Variants in IQGAP2 observed in about 807,000 individuals in gnomAD.
IQGAP2 encodes the protein IQ motif containing GTPase activating protein 2.
A neutral mutation model predicts 201.3 loss-of-function variants in IQGAP2; 173 were observed. The ratio of observed to expected loss-of-function variants is 0.86; its 90% confidence interval spans 0.76 to 0.98. The LOEUF is 0.98. IQGAP2 is among the 50% of genes least tolerant of loss of function. The probability of loss-of-function intolerance (pLI) is 0.00; values close to 1 mark genes in which losing one functional copy is unlikely to be tolerated. For synonymous variants in IQGAP2, 675 were observed against 673.9 expected (o/e 1.00, Z -0.03); for missense variants, 1,687 against 1,864.8 (o/e 0.90, Z 1.76).
intron 1 of IQGAP2, among the ~76,000 whole-genome samples, chr5:76,404,926 C>T (rs181716693): frequency 6.7e-6 from 1 of 149,704 alleles, no homozygotes; most frequent in East Asian, 1.9e-4. Context: ...ACCACAGATA[C>T]AGCAGAGCCC....
chr5:76,606,583 T>C (rs1011039067), intron 12 of IQGAP2: 1 of 205,492 alleles, frequency 4.9e-6, no homozygotes, highest in African/African-American at 2.3e-5. Flanking sequence ...GACAGCTAAA[T>C]ACAGAGACAG....
chr5:76,496,708 CTTTCTTTCTTTCTTTCTTTTCTT>C (rs1756921598), intron 2 of IQGAP2, among the ~76,000 whole-genome samples: 3 of 19,078 alleles, frequency 1.6e-4, no homozygotes, highest in Non-Finnish European at 3.4e-4. Context: ...CTGTCTCTTT[CTTTCTTTCTTTCTTTCTTTTCTT>C]TCTTTCTTTC....
chr5:76,674,623 C>T lies in IQGAP2; in HGVS notation c.3441C>T (p.His1147=), dbSNP rs375463609. The T allele has an allele frequency of 8.1e-6, 13 of 1,614,110 alleles. No homozygotes were observed. Among genetic ancestry groups the T allele is most frequent in the South Asian group, 4.4e-5 (4 of 91,092 alleles). ...GATCAGTGGCCAAGGTTCTTCAGCA[C>T]GCAGCCTCCAACAAGCTGTTTGAAG... The part of the protein sequence containing the change: ...NLGSVAKVLQ[H]AASNKLFEGE... Residue 1147 remains histidine, a synonymous_variant, in exon 27 of 36, where the codon CAC becomes CAT. Coordinates refer to ENST00000274364, the MANE Select transcript of IQGAP2 (RefSeq NM_006633.5).
chr5:76,583,251 T>A lies in IQGAP2; in HGVS notation c.459-5655T>A, dbSNP rs936391226. Among the ~76,000 whole-genome samples, 5 of 152,308 alleles carry A rather than the reference T, an allele frequency of 3.3e-5. No individual in the cohort carries two copies. The South Asian group carries it at 1.0e-3, about 32-fold the overall frequency. ...AGCAGCCTCATTTGAATTTAAATGC[T>A]TGGGAAGGAAGTTTGCTATTGCTGT... On this transcript the variant is annotated intron_variant, in intron 5 of 35. Coordinates refer to ENST00000274364, the MANE Select transcript of IQGAP2 (RefSeq NM_006633.5).
chr5:76,657,353 T>C (rs1388687765), intron 20 of IQGAP2, among the ~76,000 whole-genome samples: 2 of 152,102 alleles, frequency 1.3e-5, no homozygotes, highest in African/African-American at 4.8e-5. Flanking sequence ...TTGCTGGAAA[T>C]AGAAGGAAAA....
rs140371291 is a variant in IQGAP2 at position 76,516,064 on chromosome 5, C to T, written c.147-46332C>T. ...ATAATGTTTGTGTTTTTTACAGAGACGGGGTTTTGCCATGTTGTCCAGGCT... is the reference window on the plus strand; with the variant it reads ...ATAATGTTTGTGTTTTTTACAGAGATGGGGTTTTGCCATGTTGTCCAGGCT... On this transcript the variant is annotated intron_variant, in intron 2 of 35. Transcript: ENST00000274364. 4.4e-3 allele frequency among the ~76,000 whole-genome samples: 671 copies of T among 151,736 alleles called. 12 individuals carry two copies. Among genetic ancestry groups the T allele is most frequent in the Non-Finnish European group, 3.3e-3 (221 of 67,918 alleles).
intron 10 of IQGAP2, among the ~76,000 whole-genome samples, chr5:76,599,032 G>T (rs746787361): frequency 6.6e-6 from 1 of 152,022 alleles, no homozygotes; most frequent in Non-Finnish European, 1.5e-5. Context: ...TACATAAAAG[G>T]ATATACACAA....
chr5:76,570,923 A>G (rs1202990722), intron 4 of IQGAP2, among the ~76,000 whole-genome samples: 1 of 152,158 alleles, frequency 6.6e-6, no homozygotes, highest in Non-Finnish European at 1.5e-5. Context: ...TGAGCTATCT[A>G]AAATAGCCAA....
At position 76,496,721 on chromosome 5, in the gene IQGAP2, TTTCTTTTCTTTCTTTCTTTCTTTCTTTC is replaced by T. The variant is rs1345069033; in HGVS notation, c.146+35055_146+35082del. 1.5e-3 allele frequency among the ~76,000 whole-genome samples: 30 copies of T among 19,604 alleles called. 3 individuals carry two copies. The highest frequency in any genetic ancestry group is 5.5e-3 in the African/African-American group (28 of 5,114). The allele number at this position is 19,604 out of a possible 152,430, so 12.9% of individuals were successfully genotyped here. ...TTCTGTCTCTTTCTTTCTTTCTTTC[TTTCTTTTCTTTCTTTCTTTCTTTCTTTC>T]TTTCTTTCTTTCTTTCTTTCTTTCT... On this transcript the variant is annotated intron_variant, in intron 2 of 35. Transcript: ENST00000274364.
intron 3 of IQGAP2, among the ~76,000 whole-genome samples, chr5:76,568,423 T>C (rs1323626666): frequency 2.6e-5 from 4 of 152,232 alleles, no homozygotes; most frequent in Admixed American, 2.6e-4. Flanking sequence ...TATTCTCAGA[T>C]TAATCTCTGC....
chr5:76,549,968 G>A (rs140150892), intron 2 of IQGAP2, among the ~76,000 whole-genome samples: 2 of 152,264 alleles, frequency 1.3e-5, no homozygotes, highest in East Asian at 3.9e-4. Flanking sequence ...CCTCCTCACA[G>A]CAAAATACAT....
At chr5:76,613,253 G>A (rs1364407199) in intron 13 of IQGAP2, among the ~76,000 whole-genome samples, 1 of 152,218 alleles carries the variant, frequency 6.6e-6, no homozygotes, top group African/African-American at 2.4e-5. Flanking sequence ...ACATCCCAGG[G>A]GCAGGAGAGT....
At chr5:76,433,391 C>A (rs948016357) in intron 1 of IQGAP2, among the ~76,000 whole-genome samples, 1 of 152,186 alleles carries the variant, frequency 6.6e-6, no homozygotes, top group East Asian at 1.9e-4. Context: ...CTGCTGAAAG[C>A]CACAGCTCCC....
chr5:76,568,828 A>G (rs1744918304), intron 3 of IQGAP2, among the ~76,000 whole-genome samples: 1 of 152,210 alleles, frequency 6.6e-6, no homozygotes, highest in Non-Finnish European at 1.5e-5. Flanking sequence ...GATTGTCATC[A>G]GTAAAGAAAG....
intron 17 of IQGAP2, among the ~76,000 whole-genome samples, chr5:76,641,785 T>C (rs777178967): frequency 6.6e-6 from 1 of 152,200 alleles, no homozygotes; most frequent in African/African-American, 2.4e-5. Flanking sequence ...AGGGGTATTA[T>C]TAACAACTGG....
Position 76,459,489 on chromosome 5 carries a change from A to G in IQGAP2, c.47-2081A>G, listed in dbSNP as rs1754304194. On this transcript the variant is annotated intron_variant, in intron 1 of 35. Coordinates refer to ENST00000274364, the MANE Select transcript of IQGAP2 (RefSeq NM_006633.5). The stretch of plus-strand genomic sequence containing the variant: ...TACTATAAAATGAAAATATCCTGTC[A>G]GAAATGGGAAAGTCTTTAAGCTGAA... 2.0e-5 allele frequency among the ~76,000 whole-genome samples: 3 copies of G among 152,316 alleles called. No individual in the cohort carries two copies. The South Asian group carries it at 6.2e-4, about 32-fold the overall frequency.
Position 76,695,603 on chromosome 5 carries a change from G to A in IQGAP2, c.4143G>A (p.Leu1381=). 1.2e-6 allele frequency: 2 copies of A among 1,614,148 alleles called. No homozygotes were observed. The highest frequency in any genetic ancestry group is 1.7e-6 in the Non-Finnish European group (2 of 1,180,028). ...KRKIQRNLRT[L]EQTGHVSSEN... is the part of the protein sequence containing the mutation. The stretch of plus-strand genomic sequence containing the variant: ...AAATCCAGAGGAATCTTCGGACGTT[G>A]GAACAGACTGGACACGTGTCATCCG... Residue 1381 remains leucine (L), a synonymous_variant, in exon 32 of 36, where the codon TTG becomes TTA. Transcript: ENST00000274364.
At chr5:76,662,821 A>G (rs921091585) in intron 21 of IQGAP2, among the ~76,000 whole-genome samples, 1 of 152,154 alleles carries the variant, frequency 6.6e-6, no homozygotes, top group Non-Finnish European at 1.5e-5. Context: ...CAAGGGGGAA[A>G]TGTTGCTTTT....
In IQGAP2 at chr5:76,461,373, A is replaced by T. The variant is rs553726565; in HGVS notation, c.47-197A>T. On this transcript the variant is annotated intron_variant, in intron 1 of 35. Transcript: ENST00000274364. ...ACAGTGCCAGTTCCTGTCTCAAAAA[A>T]AAAAAAAATAAAAATAAAGGAAAAG... is the stretch of plus-strand genomic sequence containing the variant. Among the ~76,000 whole-genome samples the T allele has an allele frequency of 2.1e-3, 325 of 151,584 alleles. 3 individuals carry two copies. Among genetic ancestry groups the T allele is most frequent in the African/African-American group, 7.7e-3 (318 of 41,276 alleles).
Sources: allele counts gnomAD v4.1 joint callset (sites outside exome capture counted in the v4.1 genomes callset), GRCh38; gene constraint gnomAD v4.1.1; transcripts MANE v1.5; gene names NCBI Gene and HGNC (gene_info 2026-07-23, HGNC 2026-07-21).